CENPP: variants seen among roughly 807,000 people sequenced by gnomAD.
CENPP encodes centromere protein P.
In CENPP, 24 loss-of-function variants were observed where a neutral mutation model predicts 35.6. The observed-to-expected ratio is 0.67, with a 90% CI of 0.49 to 0.95. The LOEUF (loss-of-function observed/expected upper bound fraction) is 0.95, where lower values mean the gene tolerates loss of function less well. Among genes scored for constraint, CENPP ranks in the 40% least tolerant of loss-of-function variants. The pLI, the probability that CENPP is intolerant of heterozygous loss-of-function variation, is 0.00. For missense variants in CENPP, 332 were observed against 345.3 expected, an observed-to-expected ratio of 0.96 and a Z score of 0.31; for synonymous variants, 120 against 125.5, an observed-to-expected ratio of 0.96 and a Z score of 0.29.
chr9:92,386,575 T>C (rs576465551), intron 5 of CENPP, among the ~76,000 whole-genome samples: 44 of 152,290 alleles, frequency 2.9e-4, no homozygotes, highest in African/African-American at 9.9e-4. Context: ...TATCCGGCTC[T>C]AATGCCAACT....
intron 5 of CENPP, among the ~76,000 whole-genome samples, chr9:92,409,959 C>T (rs919339278): frequency 1.3e-5 from 2 of 152,070 alleles, no homozygotes; most frequent in Non-Finnish European, 1.5e-5. Context: ...TGTTTTGAGA[C>T]GGAGTCTTGC....
intron 5 of CENPP, chr9:92,527,994 C>T (rs781690893): frequency 6.5e-6 from 1 of 153,250 alleles, no homozygotes; most frequent in Non-Finnish European, 1.5e-5. Flanking sequence ...CTCTAGGAAG[C>T]GACCATGATG....
At chr9:92,567,369 G>GATAGATATATATATATATATAT (rs1849994862) in intron 5 of CENPP, among the ~76,000 whole-genome samples, 2 of 104,096 alleles carry the variant, frequency 1.9e-5, no homozygotes, top group Non-Finnish European at 4.5e-5. Context: ...AGTTACATAA[G>GATAGATATATATATATATATAT]ATAGATATAT....
intron 5 of CENPP, among the ~76,000 whole-genome samples, chr9:92,564,458 G>A (rs1849918821): frequency 6.6e-6 from 1 of 152,056 alleles, no homozygotes; most frequent in Non-Finnish European, 1.5e-5. Flanking sequence ...TAAGGTAGGG[G>A]GAATTCAAGA....
At chr9:92,569,653 C>G (rs576331035) in intron 5 of CENPP, among the ~76,000 whole-genome samples, 45 of 152,280 alleles carry the variant, frequency 3.0e-4, no homozygotes, top group African/African-American at 9.4e-4. Flanking sequence ...GGCATTGAAT[C>G]TATAAATTAC....
intron 5 of CENPP, among the ~76,000 whole-genome samples, chr9:92,486,129 G>A (rs1397086285): frequency 6.6e-6 from 1 of 152,182 alleles, no homozygotes; most frequent in African/African-American, 2.4e-5. Flanking sequence ...CTCCCTGTCA[G>A]GTGACAGTCA....
intron 4 of CENPP, among the ~76,000 whole-genome samples, chr9:92,366,296 G>A (rs527955482): frequency 2.0e-5 from 3 of 152,140 alleles, no homozygotes; most frequent in Non-Finnish European, 4.4e-5. Flanking sequence ...ACTGGAATTG[G>A]AATGATAGAG....
intron 5 of CENPP, among the ~76,000 whole-genome samples, chr9:92,453,436 C>G (rs1314579273): frequency 6.6e-6 from 1 of 152,118 alleles, no homozygotes; most frequent in Admixed American, 6.5e-5. Flanking sequence ...ATACTGAGTT[C>G]TAATTTGATT....
chr9:92,543,178 A>C (rs1450292361), intron 5 of CENPP, among the ~76,000 whole-genome samples: 1 of 152,140 alleles, frequency 6.6e-6, no homozygotes, highest in Non-Finnish European at 1.5e-5. Context: ...TTCTTTGATC[A>C]AGATGGCATT....
At chr9:92,406,980 C>A (rs374783578) in intron 5 of CENPP, among the ~76,000 whole-genome samples, 1 of 152,110 alleles carries the variant, frequency 6.6e-6, no homozygotes, top group Non-Finnish European at 1.5e-5. Context: ...TCACTGAAGA[C>A]CATTATACTC....
At chr9:92,502,606 C>T in intron 5 of CENPP, 5 of 1,604,792 alleles carry the variant, frequency 3.1e-6, no homozygotes, top group Non-Finnish European at 4.3e-6. Flanking sequence ...ATGATTGAAA[C>T]AAATTTCAGT....
At chr9:92,530,158 C>G (rs1177698539) in intron 5 of CENPP, among the ~76,000 whole-genome samples, 4 of 152,044 alleles carry the variant, frequency 2.6e-5, no homozygotes, top group Non-Finnish European at 5.9e-5. Context: ...TTGAGGGATC[C>G]TGGAACCAGT....
At chr9:92,394,731 A>G (rs1842825538) in intron 5 of CENPP, among the ~76,000 whole-genome samples, 1 of 151,186 alleles carries the variant, frequency 6.6e-6, no homozygotes, top group Admixed American at 6.6e-5. Flanking sequence ...CAGCCTCCCA[A>G]GTATCCGGGA....
intron 4 of CENPP, among the ~76,000 whole-genome samples, chr9:92,348,336 T>TC (rs1841353700): frequency 6.6e-6 from 1 of 152,036 alleles, no homozygotes; most frequent in Non-Finnish European, 1.5e-5. Flanking sequence ...ATTCTTCATT[T>TC]CATTTGATTC....
chr9:92,460,825 C>T (rs906449587), intron 5 of CENPP, among the ~76,000 whole-genome samples: 2 of 152,088 alleles, frequency 1.3e-5, no homozygotes, highest in African/African-American at 4.8e-5. Flanking sequence ...AACAGGTATG[C>T]ACCACCATAC....
chr9:92,537,128 G>A (rs1849200334), intron 5 of CENPP, among the ~76,000 whole-genome samples: 3 of 151,534 alleles, frequency 2.0e-5, no homozygotes, highest in Middle Eastern at 6.8e-3. Flanking sequence ...CACCCACCTC[G>A]GCCTTCCAAA....
chr9:92,343,020 A>G (rs1385358825), intron 3 of CENPP, among the ~76,000 whole-genome samples: 2 of 152,192 alleles, frequency 1.3e-5, no homozygotes, highest in East Asian at 3.8e-4. Context: ...GTTCTAAAAC[A>G]TTTTTTAAAA....
At chr9:92,495,451 T>C in intron 5 of CENPP, 5 of 985,240 alleles carry the variant, frequency 5.1e-6, no homozygotes, top group Non-Finnish European at 6.0e-6. Context: ...TGACCAGTGG[T>C]GCAAAATTTT....
rs41278705 is a variant in CENPP, at chr9:92,495,715, T to C, written c.565-115599T>C. ...GTTAACAATGTACATAACCATAATA[T>C]GATTTTCAAAACCAGGAAATTAACA... On this transcript the variant is annotated intron_variant, in intron 5 of 7. Transcript: ENST00000375587. The C allele has an allele frequency of 5.0e-3, 4,589 of 912,898 alleles. 13 individuals carry two copies. Among genetic ancestry groups the C allele is most frequent in the Middle Eastern group, 0.014 (25 of 1,764 alleles). 56.5% of individuals were successfully genotyped at this position (912,898 alleles called of 1,614,324 possible). A position where few individuals can be genotyped will look rare whatever the true frequency, so the allele number is the denominator to read the frequency against.
Sources: gnomAD v4.1 joint callset for allele counts (sites outside exome capture counted in the v4.1 genomes callset) on GRCh38, gnomAD v4.1.1 for gene constraint, MANE v1.5 for transcripts, NCBI Gene and HGNC (gene_info 2026-07-23, HGNC 2026-07-21) for gene names.